Variants in ERBB4 observed in about 807,000 individuals in gnomAD.
ERBB4 encodes the protein receptor tyrosine-protein kinase erbB-4.
ERBB4 carries 42 observed loss-of-function variants against 158.0 expected under a neutral mutation model. The ratio of observed to expected loss-of-function variants is 0.27; its 90% CI spans 0.21 to 0.34. ERBB4 has a LOEUF of 0.34. ERBB4 is among the 10% of genes least tolerant of loss of function. ERBB4 has a pLI of 1.00. For synonymous variants in ERBB4, 583 were observed against 558.7 expected, an observed-to-expected ratio of 1.04 and a Z score of -0.61; for missense variants, 1,333 against 1,624.1, an observed-to-expected ratio of 0.82 and a Z score of 3.08.
intron 3 of ERBB4, among the ~76,000 whole-genome samples, chr2:211,840,841 C>A (rs958581025): frequency 2.0e-5 from 3 of 152,054 alleles, no homozygotes; most frequent in African/African-American, 7.2e-5. Context: ...AATTTATAAA[C>A]AAATACAGTA....
chr2:211,837,354 G>C (rs1053423833), intron 3 of ERBB4, among the ~76,000 whole-genome samples: 8 of 152,084 alleles, frequency 5.3e-5, no homozygotes, highest in African/African-American at 1.9e-4. Context: ...TCAAGTGAAT[G>C]ACTGAAAAAC....
intron 1 of ERBB4, among the ~76,000 whole-genome samples, chr2:212,285,390 AT>A (rs10707896): frequency 0.82 from 119,886 of 146,278 alleles, 49,039 homozygotes; most frequent in African/African-American, 0.86. Flanking sequence ...GGGGACTGTG[AT>A]TTTTTTTTTT....
At chr2:212,098,922 A>G (rs1257491310) in intron 2 of ERBB4, among the ~76,000 whole-genome samples, 3 of 152,112 alleles carry the variant, frequency 2.0e-5, no homozygotes, top group Admixed American at 6.6e-5. Context: ...CCGCTTTCTA[A>G]CACCTACTGT....
chr2:211,772,189 A>G (rs994781146), intron 4 of ERBB4, among the ~76,000 whole-genome samples: 4 of 152,176 alleles, frequency 2.6e-5, no homozygotes, highest in African/African-American at 9.7e-5. Flanking sequence ...AAATGGGAAG[A>G]CGTTAGAAAT....
chr2:212,350,758 T>C (rs751263767), intron 1 of ERBB4, among the ~76,000 whole-genome samples: 2 of 151,926 alleles, frequency 1.3e-5, no homozygotes, highest in Non-Finnish European at 2.9e-5. Context: ...AAGAAGCATA[T>C]TAAGTAAACT....
chr2:212,509,827 C>G (rs1400386549), intron 1 of ERBB4, among the ~76,000 whole-genome samples: 1 of 151,748 alleles, frequency 6.6e-6, no homozygotes. Context: ...CAGTTAGTTT[C>G]TATGTATTAA....
intron 20 of ERBB4, among the ~76,000 whole-genome samples, chr2:211,493,439 TG>T (rs1374765601): frequency 6.6e-6 from 1 of 151,988 alleles, no homozygotes; most frequent in Non-Finnish European, 1.5e-5. Flanking sequence ...ACTCACAGGT[TG>T]GGGAAAAAAG....
intron 2 of ERBB4, among the ~76,000 whole-genome samples, chr2:212,094,222 T>C (rs1313705827): frequency 6.6e-6 from 1 of 151,370 alleles, no homozygotes; most frequent in Admixed American, 6.6e-5. Flanking sequence ...TGAGATAAGG[T>C]TGTTTAAAAG....
intron 3 of ERBB4, among the ~76,000 whole-genome samples, chr2:211,837,345 C>G: frequency 6.6e-6 from 1 of 151,988 alleles, no homozygotes; most frequent in Non-Finnish European, 1.5e-5. Flanking sequence ...AACCAGTAGT[C>G]AAGTGAATGA....
chr2:211,402,542 G>A (rs889467311), intron 25 of ERBB4, among the ~76,000 whole-genome samples: 3 of 151,944 alleles, frequency 2.0e-5, no homozygotes, highest in African/African-American at 7.2e-5. Context: ...AAATTATGCA[G>A]GAGGAGAATA....
intron 1 of ERBB4, among the ~76,000 whole-genome samples, chr2:212,433,679 A>C (rs1403981070): frequency 6.6e-6 from 1 of 152,004 alleles, no homozygotes; most frequent in Non-Finnish European, 1.5e-5. Context: ...GACTATATAC[A>C]CATCGTTGGT....
chr2:212,081,611 G>T (rs983734241), intron 2 of ERBB4, among the ~76,000 whole-genome samples: 1 of 152,046 alleles, frequency 6.6e-6, no homozygotes, highest in Non-Finnish European at 1.5e-5. Flanking sequence ...AAAGATGCAA[G>T]TGCTTATGAA....
chr2:211,692,359 C>T (rs574198763), intron 12 of ERBB4, among the ~76,000 whole-genome samples: 163 of 152,164 alleles, frequency 1.1e-3, no homozygotes, highest in Non-Finnish European at 1.9e-3. Flanking sequence ...CTAAAGTAAT[C>T]TGGGTTGGAC....
chr2:211,843,819 G>A (rs1482256581), intron 3 of ERBB4, among the ~76,000 whole-genome samples: 1 of 151,802 alleles, frequency 6.6e-6, no homozygotes, highest in Non-Finnish European at 1.5e-5. Flanking sequence ...ACTAGTACTT[G>A]ATAAATGTAT....
At chr2:211,420,690 T>C in intron 24 of ERBB4, 79 bp from the exon 25 acceptor site, 1 of 1,229,830 alleles carries the variant, frequency 8.1e-7, no homozygotes, top group African/African-American at 1.5e-5. Flanking sequence ...TAAATTTATG[T>C]AATATCATAA....
At chr2:211,967,060 G>C (rs2081328309) in intron 2 of ERBB4, among the ~76,000 whole-genome samples, 1 of 152,028 alleles carries the variant, frequency 6.6e-6, no homozygotes, top group Non-Finnish European at 1.5e-5. Context: ...TTATAATCCT[G>C]AACCTCTTAC....
intron 3 of ERBB4, among the ~76,000 whole-genome samples, chr2:211,861,816 G>C (rs2078063101): frequency 6.6e-6 from 1 of 152,104 alleles, no homozygotes; most frequent in Admixed American, 6.5e-5. Context: ...TCAGCAAACA[G>C]CAAGGAAATG....
At chr2:211,905,341 G>C (rs921302530) in intron 3 of ERBB4, among the ~76,000 whole-genome samples, 1 of 151,422 alleles carries the variant, frequency 6.6e-6, no homozygotes, top group African/African-American at 2.4e-5. Flanking sequence ...AGGACCCTCA[G>C]GATTACACTG....
chr2:212,029,011 T>C (rs556015772), intron 2 of ERBB4, among the ~76,000 whole-genome samples: 19 of 152,154 alleles, frequency 1.2e-4, no homozygotes, highest in African/African-American at 4.3e-4. Flanking sequence ...TGCCCACCAG[T>C]GCACGATGTA....
Sources: gnomAD v4.1 joint callset for allele counts (sites outside exome capture counted in the v4.1 genomes callset) on GRCh38, gnomAD v4.1.1 for gene constraint, MANE v1.5 for transcripts, NCBI Gene and HGNC (gene_info 2026-07-23, HGNC 2026-07-21) for gene names.